The following SUZ12 variants were observed in gnomAD, a reference collection of about 807,000 sequenced individuals.
SUZ12 encodes SUZ12 polycomb repressive complex 2 subunit.
Under a neutral mutation model 87.3 loss-of-function variants are expected in SUZ12, and 17 were observed. The ratio of observed to expected loss-of-function variants is 0.19; its 90% CI spans 0.13 to 0.29. The LOEUF is 0.29. SUZ12 is among the 10% of genes least tolerant of loss of function. The pLI is 1.00. For synonymous variants in SUZ12, 253 were observed against 312.4 expected (o/e 0.81, Z 2.01); for missense variants, 526 against 912.2 (o/e 0.58, Z 5.45).
chr17:31,965,282 G>C (rs924509939), intron 4 of SUZ12, among the ~76,000 whole-genome samples: 4 of 152,052 alleles, frequency 2.6e-5, no homozygotes, highest in Non-Finnish European at 4.4e-5. Context: ...TCCATAATCT[G>C]GTGTCTGTAC....
At chr17:31,989,529 G>A (rs1044102436) in intron 10 of SUZ12, among the ~76,000 whole-genome samples, 4 of 152,206 alleles carry the variant, frequency 2.6e-5, no homozygotes, top group African/African-American at 9.6e-5. Flanking sequence ...TTGGTTTTCA[G>A]ATTAGCTTTT....
chr17:31,979,951 C>T (rs1301464816), intron 8 of SUZ12, among the ~76,000 whole-genome samples: 1 of 151,770 alleles, frequency 6.6e-6, no homozygotes, highest in Non-Finnish European at 1.5e-5. Context: ...TAAAGAAGAG[C>T]ATTCGTTCTC....
At chr17:31,989,441 C>T (rs978378019) in intron 10 of SUZ12, among the ~76,000 whole-genome samples, 1 of 152,076 alleles carries the variant, frequency 6.6e-6, no homozygotes, top group Non-Finnish European at 1.5e-5. Context: ...TATATAACAT[C>T]TTGAAGTGGG....
intron 5 of SUZ12, among the ~76,000 whole-genome samples, chr17:31,970,677 T>G (rs1240132757): frequency 1.3e-5 from 2 of 151,978 alleles, no homozygotes; most frequent in African/African-American, 4.8e-5. Context: ...GCCTGTAGTC[T>G]GTAGTCCCAG....
intron 4 of SUZ12, among the ~76,000 whole-genome samples, chr17:31,950,086 C>A (rs1906871134): frequency 6.6e-6 from 1 of 151,904 alleles, no homozygotes; most frequent in Non-Finnish European, 1.5e-5. Context: ...ACCTCTGCCT[C>A]CCGTGTTCTC....
chr17:31,953,711 A>ATTTTT (rs756892113), intron 4 of SUZ12, among the ~76,000 whole-genome samples: 1 of 131,760 alleles, frequency 7.6e-6, no homozygotes, highest in Admixed American at 7.7e-5. Context: ...CCCAGCCTCA[A>ATTTTT]TTTTTTTTTT....
Position 32,000,714 on chromosome 17 carries a change from C to T in SUZ12, c.*1711C>T, listed in dbSNP as rs1450032041. The T allele has an allele frequency of 3.0e-5, 7 of 230,132 alleles. No homozygotes were observed. Among genetic ancestry groups the T allele is most frequent in the Admixed American group, 1.1e-4 (2 of 17,608 alleles). The allele number at this position is 230,132 out of a possible 1,614,324, so 14.3% of individuals were successfully genotyped here. A position where few individuals can be genotyped will look rare whatever the true frequency, so the allele number is the denominator to read the frequency against. ...ATGTCATTTCTTAAGCAGTTATGCT[C>T]TTAATGCTTAAAAGAAGGCTAGCAT... is the stretch of plus-strand genomic sequence containing the variant. On this transcript the variant is annotated 3_prime_UTR_variant, in exon 16 of 16. Coordinates refer to ENST00000322652, the MANE Select transcript of SUZ12 (RefSeq NM_015355.4).
intron 13 of SUZ12, among the ~76,000 whole-genome samples, chr17:31,995,215 T>C (rs191780910): frequency 1.3e-3 from 197 of 152,378 alleles, no homozygotes; most frequent in African/African-American, 4.6e-3. Context: ...CTTTTCTGCT[T>C]TGTGAATATA....
intron 5 of SUZ12, chr17:31,967,534 C>T (rs1040202554): frequency 1.3e-5 from 2 of 151,382 alleles, no homozygotes; most frequent in African/African-American, 4.9e-5. Context: ...TGTAGTGTCA[C>T]CAGTGGCACT....
Position 31,993,897 on chromosome 17 carries a change from T to G in SUZ12, c.1326T>G (p.Thr442=), listed in dbSNP as rs138584567. The part of the protein sequence containing the change: ...FLYNNNTRQQ[T]EARDDLHCPW... Reference sequence around the variant, plus strand: ...ATAACAACAATACAAGGCAACAAACTGAAGCAAGAGATGACCTGCATTGCC... The same window carrying G: ...ATAACAACAATACAAGGCAACAAACGGAAGCAAGAGATGACCTGCATTGCC... Residue 442 remains threonine (T), a synonymous_variant, in exon 12 of 16, where the codon ACT becomes ACG. Transcript: ENST00000322652. 119 of 1,612,982 alleles carry G rather than the reference T, an allele frequency of 7.4e-5. No individual in the cohort carries two copies. The African/African-American group carries it at 1.3e-3, about 17-fold the overall frequency.
intron 8 of SUZ12, among the ~76,000 whole-genome samples, chr17:31,977,713 AC>A (rs1908844099): frequency 6.6e-6 from 1 of 151,734 alleles, no homozygotes; most frequent in South Asian, 2.1e-4. Context: ...AGATGGCGAA[AC>A]CCTGTCTCTA....
At chr17:31,976,256 G>A (rs182778543) in intron 7 of SUZ12, among the ~76,000 whole-genome samples, 144 of 152,334 alleles carry the variant, frequency 9.5e-4, no homozygotes, top group African/African-American at 3.2e-3. Flanking sequence ...GAGTTACCAC[G>A]AGTGAGAAGG....
chr17:31,982,420 A>C (rs1598179351), intron 8 of SUZ12, among the ~76,000 whole-genome samples: 1 of 152,136 alleles, frequency 6.6e-6, no homozygotes, highest in Non-Finnish European at 1.5e-5. Context: ...CCAGCACTTT[A>C]GGAGGCCAAG....
chr17:31,976,571 G>A lies in SUZ12; in HGVS notation c.874G>A (p.Glu292Lys), dbSNP rs148546138. 1 of 1,613,136 alleles carries A rather than the reference G, an allele frequency of 6.2e-7. No homozygotes were observed. The highest frequency in any genetic ancestry group is 8.5e-7 in the Non-Finnish European group (1 of 1,179,466). ...AAGAAAACGAAATCGTGAGGATGGG[G>A]AAAAGACATTTGTTGCACAAATGAC... is the stretch of plus-strand genomic sequence containing the variant. Reference protein sequence around the residue: ...ARRKRNREDGEKTFVAQMTVF... With the variant: ...ARRKRNREDGKKTFVAQMTVF... Residue 292 changes from glutamate to lysine, a missense_variant, in exon 8 of 16, where the codon GAA becomes AAA. Glu to Lys is a moderately conservative substitution (Grantham distance 56). This residue lies in a region of SUZ12 where 73 missense variants were observed against 133.8 expected (regional missense o/e 0.55). Coordinates refer to ENST00000322652, the MANE Select transcript of SUZ12 (RefSeq NM_015355.4).
rs567422058 is a variant in SUZ12 at position 31,974,628 on chromosome 17, T to G, written c.592-854T>G. 2.0e-5 allele frequency among the ~76,000 whole-genome samples: 3 copies of G among 152,082 alleles called. No homozygotes were observed. The East Asian group carries it at 5.8e-4, about 29-fold the overall frequency. ...AGTCATTCTTATGTTCAAAAAAATG[T>G]ATCGGGGTAATCATTTTCCTGGAAG... is the stretch of plus-strand genomic sequence containing the variant. On this transcript the variant is annotated intron_variant, in intron 6 of 15. Transcript: ENST00000322652.
chr17:31,946,026 C>T (rs1196211520), intron 3 of SUZ12, among the ~76,000 whole-genome samples: 2 of 152,090 alleles, frequency 1.3e-5, no homozygotes, highest in African/African-American at 4.8e-5. Context: ...GCGCTTCTTA[C>T]TATACTCTAT....
At chr17:31,971,703 T>C (rs1036431917) in intron 5 of SUZ12, among the ~76,000 whole-genome samples, 11 of 152,090 alleles carry the variant, frequency 7.2e-5, no homozygotes, top group Non-Finnish European at 1.6e-4. Flanking sequence ...GTGCTGCGAT[T>C]ATAGGCGTGA....
rs756919538 is a variant in SUZ12, at chr17:31,973,190, C to T, written c.550C>T (p.Leu184=). 1 of 1,558,564 alleles carries T rather than the reference C, an allele frequency of 6.4e-7. No individual in the cohort carries two copies. Among genetic ancestry groups the T allele is most frequent in the East Asian group, 2.3e-5 (1 of 43,556 alleles). Residue 184 remains leucine, a synonymous_variant, in exon 6 of 16, where the codon CTG becomes TTG. Transcript: ENST00000322652. ...NSENEQNSVT[L]EVLLVKVCHK... is the part of the protein sequence containing the mutation. ...AGAAAATGAACAAAATTCTGTTACC[C>T]TGGAAGTCCTGCTTGTGAAAGTTTG...
intron 9 of SUZ12, among the ~76,000 whole-genome samples, chr17:31,986,802 G>A (rs571480805): frequency 2.6e-5 from 4 of 152,122 alleles, no homozygotes; most frequent in South Asian, 4.1e-4. Flanking sequence ...TGCCCTCCTC[G>A]GCCTCCCAAA....
Sources: allele counts gnomAD v4.1 joint callset (sites outside exome capture counted in the v4.1 genomes callset), GRCh38; gene constraint gnomAD v4.1.1; regional missense constraint gnomAD v4.1.1; transcripts MANE v1.5; gene names NCBI Gene and HGNC (gene_info 2026-07-23, HGNC 2026-07-21).